Variants in CDH18 observed in about 807,000 individuals in gnomAD.
CDH18 encodes the protein cadherin-18.
CDH18 carries 31 observed loss-of-function variants against 67.9 expected under a neutral mutation model. The observed-to-expected ratio is 0.46, with a 90% CI of 0.34 to 0.62. The LOEUF (loss-of-function observed/expected upper bound fraction) is 0.62, where lower values mean the gene tolerates loss of function less well. Ranked by LOEUF, CDH18 falls within the 20% of genes least tolerant of loss-of-function variation. The pLI, the probability that CDH18 is intolerant of heterozygous loss-of-function variation, is 0.01. For synonymous variants in CDH18, 362 were observed against 347.2 expected, an observed-to-expected ratio of 1.04 and a Z score of -0.48; for missense variants, 890 against 975.5, an observed-to-expected ratio of 0.91 and a Z score of 1.17.
At chr5:19,698,453 C>T (rs1762813878) in intron 5 of CDH18, among the ~76,000 whole-genome samples, 1 of 151,952 alleles carries the variant, frequency 6.6e-6, no homozygotes. Flanking sequence ...TGGATCTTGA[C>T]TATATCAAAA....
At chr5:19,494,110 G>T (rs928512857) in intron 11 of CDH18, among the ~76,000 whole-genome samples, 2 of 152,082 alleles carry the variant, frequency 1.3e-5, no homozygotes, top group African/African-American at 4.8e-5. Flanking sequence ...AATTCACTGT[G>T]TGGAAATTTG....
At position 20,212,163 on chromosome 5, in the gene CDH18, C is replaced by G. The variant is rs137896177; in HGVS notation, c.-518+43281G>C. Among the ~76,000 whole-genome samples the G allele has an allele frequency of 5.6e-3, 854 of 152,056 alleles. 9 individuals are homozygous for G. Among genetic ancestry groups the G allele is most frequent in the African/African-American group, 0.02 (818 of 41,464 alleles). On this transcript the variant is annotated intron_variant, in intron 2 of 14. Coordinates refer to the CDH18 transcript ENST00000507958. ...AAGCTTCAGTAGCTGATTCGATCAA[C>G]TGGAAGAAAGGGTATCAGTGATTGA...
intron 3 of CDH18, among the ~76,000 whole-genome samples, chr5:19,834,595 AGTTCTTTAAATTG>A: frequency 6.6e-6 from 1 of 151,824 alleles, no homozygotes; most frequent in Non-Finnish European, 1.5e-5. Context: ...TTGCCTCTTT[AGTTCTTTAAATTG>A]TGATGTTAAG....
At chr5:20,571,169 A>T (rs1305297442) in intron 1 of CDH18, among the ~76,000 whole-genome samples, 1 of 152,174 alleles carries the variant, frequency 6.6e-6, no homozygotes, top group Non-Finnish European at 1.5e-5. Flanking sequence ...ATATTACATG[A>T]CAGTGACACC....
In CDH18 at chr5:19,472,401, G is replaced by A. The variant is rs774684161; in HGVS notation, c.*825C>T. Among the ~76,000 whole-genome samples the A allele has an allele frequency of 3.3e-5, 5 of 152,136 alleles. No individual in the cohort carries two copies. Among genetic ancestry groups the A allele is most frequent in the Non-Finnish European group, 7.4e-5 (5 of 68,004 alleles). On this transcript the variant is annotated 3_prime_UTR_variant, in exon 13 of 13. Transcript: ENST00000382275. ...AAAAGTTCCCCAACATTTGGTAGAA[G>A]ATAAGGTGTGTGGCTATTTTTAAAA...
chr5:19,599,706 T>G (rs351300), intron 6 of CDH18, among the ~76,000 whole-genome samples: 5,794 of 151,898 alleles, frequency 0.038, 322 homozygotes, highest in African/African-American at 0.12. Context: ...ATCGAGACCA[T>G]CCTGGCTAAC....
intron 1 of CDH18, among the ~76,000 whole-genome samples, chr5:20,362,927 T>TG (rs1404461543): frequency 6.6e-6 from 1 of 152,146 alleles, no homozygotes; most frequent in Non-Finnish European, 1.5e-5. Context: ...AGCATACTAT[T>TG]GAAAAAGTAG....
At chr5:20,154,078 C>T (rs976476933) in intron 2 of CDH18, among the ~76,000 whole-genome samples, 1 of 152,114 alleles carries the variant, frequency 6.6e-6, no homozygotes, top group African/African-American at 2.4e-5. Context: ...AGTAACAGGC[C>T]GTTACATTTA....
intron 2 of CDH18, among the ~76,000 whole-genome samples, chr5:20,061,075 A>G (rs1742443847): frequency 6.6e-6 from 1 of 152,062 alleles, no homozygotes; most frequent in African/African-American, 2.4e-5. Flanking sequence ...ATATATGATC[A>G]GTTTGAATTT....
intron 1 of CDH18, among the ~76,000 whole-genome samples, chr5:20,365,181 C>T (rs547417524): frequency 6.6e-6 from 1 of 152,136 alleles, no homozygotes. Context: ...GAGACCTCTT[C>T]CTGGCTTGTA....
chr5:20,397,456 T>A, intron 1 of CDH18, among the ~76,000 whole-genome samples: 1 of 152,126 alleles, frequency 6.6e-6, no homozygotes, highest in East Asian at 1.9e-4. Flanking sequence ...TATAGAGTAT[T>A]AATTTTTTAA....
intron 2 of CDH18, among the ~76,000 whole-genome samples, chr5:20,029,354 T>C (rs776698574): frequency 6.6e-6 from 1 of 152,184 alleles, no homozygotes; most frequent in African/African-American, 2.4e-5. Flanking sequence ...ATTATAACTA[T>C]ATTTTATTAT....
intron 3 of CDH18, among the ~76,000 whole-genome samples, chr5:19,752,788 G>A (rs1165037069): frequency 6.6e-6 from 1 of 152,080 alleles, no homozygotes; most frequent in African/African-American, 2.4e-5. Context: ...TCACCTTCCT[G>A]CCACCTCCAC....
At chr5:20,372,656 T>TAA (rs1197407297) in intron 1 of CDH18, among the ~76,000 whole-genome samples, 3 of 152,198 alleles carry the variant, frequency 2.0e-5, no homozygotes, top group Non-Finnish European at 4.4e-5. Flanking sequence ...CATATATATA[T>TAA]AACATATTTT....
chr5:20,560,468 T>TACACACAC (rs547246325), intron 1 of CDH18, among the ~76,000 whole-genome samples: 5,230 of 127,584 alleles, frequency 0.041, 139 homozygotes, highest in South Asian at 0.053. Context: ...CCAACACTCA[T>TACACACAC]ACACACACAC....
At chr5:20,431,390 G>A (rs1392081210) in intron 1 of CDH18, among the ~76,000 whole-genome samples, 6 of 151,812 alleles carry the variant, frequency 4.0e-5, no homozygotes, top group Admixed American at 6.6e-5. Context: ...CTACTTGGGA[G>A]GCTAAGGCAG....
intron 5 of CDH18, among the ~76,000 whole-genome samples, chr5:19,655,956 A>G (rs1756308563): frequency 1.3e-5 from 2 of 149,872 alleles, no homozygotes; most frequent in African/African-American, 4.9e-5. Flanking sequence ...AGGAAGCACG[A>G]GAGAAGAGAT....
chr5:19,845,770 T>G (rs1433633652), intron 2 of CDH18, among the ~76,000 whole-genome samples: 2 of 151,960 alleles, frequency 1.3e-5, no homozygotes, highest in Non-Finnish European at 2.9e-5. Context: ...ATTTGTCTCT[T>G]CCTACAGTTT....
At chr5:19,687,999 C>G (rs61284332) in intron 5 of CDH18, among the ~76,000 whole-genome samples, 6,001 of 152,206 alleles carry the variant, frequency 0.039, 388 homozygotes, top group African/African-American at 0.14. Flanking sequence ...ATCACCGTGC[C>G]CCATCCACCA....
Sources: gnomAD v4.1 joint callset for allele counts (sites outside exome capture counted in the v4.1 genomes callset) on GRCh38, gnomAD v4.1.1 for gene constraint, MANE v1.5 for transcripts, NCBI Gene and HGNC (gene_info 2026-07-23, HGNC 2026-07-21) for gene names.